Variants in TMEM231 observed in about 807,000 individuals in gnomAD.
TMEM231 encodes transmembrane protein 231.
A neutral mutation model predicts 38.5 loss-of-function variants in TMEM231; 40 were observed. The observed-to-expected ratio is 1.04, with a 90% CI of 0.81 to 1.35. TMEM231 has a LOEUF of 1.35. Among genes scored for constraint, TMEM231 ranks in the 40% most tolerant of loss-of-function variants. The probability of loss-of-function intolerance (pLI) is 0.00; values close to 1 mark genes in which losing one functional copy is unlikely to be tolerated. For synonymous variants in TMEM231, 199 were observed against 181.7 expected, an observed-to-expected ratio of 1.10 and a Z score of -0.77; for missense variants, 420 against 416.9, an observed-to-expected ratio of 1.01 and a Z score of -0.07.
chr16:75,550,013 G>T (rs577462408), intron 2 of TMEM231, among the ~76,000 whole-genome samples: 129 of 152,150 alleles, frequency 8.5e-4, no homozygotes, highest in Admixed American at 1.4e-3. Flanking sequence ...CTGGCCAGAG[G>T]GAATTTAACA....
At chr16:75,555,718 G>A (rs2151710346) in intron 2 of TMEM231, 86 bp downstream of exon 2, 3 of 1,365,788 alleles carry the variant, frequency 2.2e-6, no homozygotes, top group East Asian at 2.8e-5. Context: ...CCCCAGGGCC[G>A]GGGCCGCTCG....
At position 75,537,159 on chromosome 16, in the gene TMEM231, A is replaced by T. The variant is rs1030540470; in HGVS notation, c.*2835T>A. ...AAAAAAGAAAAAGAAAAAGAAAAGA[A>T]AAACCACCTACTGGGTACTATGCTT... On this transcript the variant is annotated 3_prime_UTR_variant, in exon 7 of 7. Coordinates refer to ENST00000258173, the MANE Select transcript of TMEM231 (RefSeq NM_001077418.3). 1 of 152,046 alleles carries T rather than the reference A, an allele frequency of 6.6e-6. No individual in the cohort carries two copies. The highest frequency in any genetic ancestry group is 1.5e-5 in the Non-Finnish European group (1 of 68,424). The allele number at this position is 152,046 out of a possible 1,614,324, so 9.4% of individuals were successfully genotyped here. A position where few individuals can be genotyped will look rare whatever the true frequency, so the allele number is the denominator to read the frequency against.
rs758122684 is a variant in TMEM231, at chr16:75,541,440, T to C, written c.680A>G (p.Asn227Ser). 6.2e-7 allele frequency: 1 copy of C among 1,608,870 alleles called. No individual in the cohort carries two copies. Among genetic ancestry groups the C allele is most frequent in the Non-Finnish European group, 8.5e-7 (1 of 1,176,886 alleles). Residue 227 changes from asparagine to serine, a missense_variant, in exon 6 of 7, where the codon AAT (asparagine) becomes AGT (serine). Transcript: ENST00000258173. ...YQERNVTTVL[N>S]DPNPIWLVGR... Reference sequence around the variant, plus strand: ...CACCAGCCAGATGGGGTTGGGATCATTCAGGACGGTGGTAACTGCAATGCA... The same window carrying C: ...CACCAGCCAGATGGGGTTGGGATCACTCAGGACGGTGGTAACTGCAATGCA...
upstream of TMEM231, chr16:75,556,265 T>C: frequency 7.2e-7 from 1 of 1,391,744 alleles, no homozygotes. Context: ...CTTCTCCTGG[T>C]TGCCATCGCC....
At chr16:75,541,005 T>TC (rs967746060) in intron 6 of TMEM231, among the ~76,000 whole-genome samples, 5 of 151,934 alleles carry the variant, frequency 3.3e-5, no homozygotes, top group African/African-American at 1.2e-4. Context: ...CTACCATTGA[T>TC]TTTTTTTAAA....
At chr16:75,556,266 T>A, upstream of TMEM231, 1 of 1,390,624 alleles carries the variant, frequency 7.2e-7, no homozygotes, top group Non-Finnish European at 9.3e-7. Context: ...TTCTCCTGGT[T>A]GCCATCGCCT....
At chr16:75,553,591 C>T (rs550901423) in intron 2 of TMEM231, among the ~76,000 whole-genome samples, 10 of 143,928 alleles carry the variant, frequency 6.9e-5, no homozygotes, top group Non-Finnish European at 1.5e-4. Context: ...CACTGCATTC[C>T]AGCCTGGCTG....
intron 2 of TMEM231, among the ~76,000 whole-genome samples, chr16:75,547,897 T>A (rs922223297): frequency 6.6e-6 from 1 of 152,342 alleles, no homozygotes; most frequent in Admixed American, 6.5e-5. Context: ...ACCTTCTAGA[T>A]CTTTAGGGTT....
At chr16:75,546,085 A>G (rs2080687198) in intron 2 of TMEM231, 131 bp from the exon 3 acceptor site, 1 of 1,546,416 alleles carries the variant, frequency 6.5e-7, no homozygotes, top group African/African-American at 1.4e-5. Flanking sequence ...CCACTAAAAG[A>G]GAAAAGCAGA....
In TMEM231 at chr16:75,556,190, A is replaced by G; in HGVS notation, c.20T>C (p.Phe7Ser). 1 of 1,503,608 alleles carries G rather than the reference A, an allele frequency of 6.7e-7. No individual in the cohort carries two copies. Among genetic ancestry groups the G allele is most frequent in the Non-Finnish European group, 8.8e-7 (1 of 1,132,522 alleles). 93.1% of individuals were successfully genotyped at this position (1,503,608 alleles called of 1,614,324 possible). Residue 7 changes from phenylalanine (F) to serine (S), a missense_variant, in exon 1 of 7, where the codon TTC becomes TCC. By Grantham distance (155) the Phe-to-Ser change is radical (BLOSUM62 -2). Transcript: ENST00000258173. MALYEL[F>S]SHPVERSYRA... ...GTAACTGCGCTCGACCGGGTGAGAG[A>G]AGAGCTCATAGAGCGCCATGAGCAC...
At chr16:75,551,547 A>G (rs1442558932) in intron 2 of TMEM231, among the ~76,000 whole-genome samples, 1 of 152,220 alleles carries the variant, frequency 6.6e-6, no homozygotes, top group Non-Finnish European at 1.5e-5. Flanking sequence ...ACCACTGATA[A>G]AAGAAAAACA....
At chr16:75,544,949 C>CTTCTTTTTTTTTTTTTTTTTTTTTTTTTT (rs2080666559) in intron 4 of TMEM231, among the ~76,000 whole-genome samples, 1 of 89,622 alleles carries the variant, frequency 1.1e-5, no homozygotes, top group Admixed American at 1.2e-4. Flanking sequence ...TTTTCTTTTT[C>CTTCTTTTTTTTTTTTTTTTTTTTTTTTTT]TTTTTTTTTT....
chr16:75,555,719 G>A (rs2080802091), intron 2 of TMEM231, 85 bp downstream of exon 2: 30 of 1,373,104 alleles, frequency 2.2e-5, no homozygotes, highest in Non-Finnish European at 2.9e-5. Flanking sequence ...CCCAGGGCCG[G>A]GGCCGCTCGC....
At chr16:75,541,010 T>A (rs146398551) in intron 6 of TMEM231, among the ~76,000 whole-genome samples, 1 of 152,220 alleles carries the variant, frequency 6.6e-6, no homozygotes, top group East Asian at 1.9e-4. Context: ...ATTGATTTTT[T>A]TTAAATTGTT....
In TMEM231 at chr16:75,545,488, G is replaced by T; in HGVS notation, c.446C>A (p.Ala149Glu). 1 of 1,556,284 alleles carries T rather than the reference G, an allele frequency of 6.4e-7. No individual in the cohort carries two copies. Among genetic ancestry groups the T allele is most frequent in the Non-Finnish European group, 8.7e-7 (1 of 1,146,846 alleles). ...LTFSYRLHRM[A>E]TLVMQSMAFL... is the part of the protein sequence containing the mutation. The stretch of plus-strand genomic sequence containing the variant: ...CGCCATGCTCTGCATCACGAGGGTC[G>T]CCATCCTCTGAAATCATTAGAAGGA... Residue 149 changes from alanine (A) to glutamate (E), a missense_variant, in exon 4 of 7, where the codon GCG (alanine) becomes GAG (glutamate). Transcript: ENST00000258173.
rs888158863 is a variant in TMEM231 at position 75,537,350 on chromosome 16, G to GCCTC, written c.*2640_*2643dup. On this transcript the variant is annotated 3_prime_UTR_variant, in exon 7 of 7. Coordinates refer to ENST00000258173, the MANE Select transcript of TMEM231 (RefSeq NM_001077418.3). ...CCTTACATGATGGAATATTAGGGGG[G>GCCTC]CCTCATCTGACTTAAGCCGAAACTG... 6.6e-6 allele frequency: 1 copy of GCCTC among 151,808 alleles called. No individual in the cohort carries two copies. Among genetic ancestry groups the GCCTC allele is most frequent in the African/African-American group, 2.4e-5 (1 of 41,362 alleles). 9.4% of individuals were successfully genotyped at this position (151,808 alleles called of 1,614,324 possible).
intron 5 of TMEM231, among the ~76,000 whole-genome samples, chr16:75,542,309 A>G (rs1156563336): frequency 6.6e-6 from 1 of 151,320 alleles, no homozygotes; most frequent in African/African-American, 2.4e-5. Context: ...GAACAACTCA[A>G]TTAGGCTTAT....
chr16:75,541,272 G>A, intron 6 of TMEM231, 78 bp downstream of exon 6: 1 of 983,166 alleles, frequency 1.0e-6, no homozygotes, highest in Non-Finnish European at 1.4e-6. Flanking sequence ...CTCCCACCTT[G>A]GCCTCCCAAA....
chr16:75,555,917 G>A lies in TMEM231; in HGVS notation c.196C>T (p.Gln66Ter). 1 of 1,603,626 alleles carries A rather than the reference G, an allele frequency of 6.2e-7. No homozygotes were observed. The highest frequency in any genetic ancestry group is 8.5e-7 in the Non-Finnish European group (1 of 1,175,686). ...EEQPTVRFQH[Q>*]VLLVALLGPE... ...CCGAGCAGGGCCACGAGCAGCACCT[G>A]GTGTTGGAAGCGCACGGTCGGCTGC... Residue 66 changes from glutamine (Q) to a stop codon, truncating the protein, a stop_gained, in exon 2 of 7, where the codon CAG becomes TAG. Transcript: ENST00000258173. LOFTEE classifies it high-confidence loss of function.
Sources: allele counts gnomAD v4.1 joint callset (sites outside exome capture counted in the v4.1 genomes callset), GRCh38; gene constraint gnomAD v4.1.1; transcripts MANE v1.5; gene names NCBI Gene and HGNC (gene_info 2026-07-23, HGNC 2026-07-21).